ENTREP2: variants seen among roughly 807,000 people sequenced by gnomAD.
ENTREP2 encodes protein ENTREP2.
chr15:29,219,350 G>C, the ENTREP2 span, among the ~76,000 whole-genome samples: 2 of 151,838 alleles, frequency 1.3e-5, no homozygotes, highest in Admixed American at 6.6e-5. Context: ...AGTAAACAGG[G>C]AACACTTCTA....
At chr15:29,463,047 T>A in the ENTREP2 span, among the ~76,000 whole-genome samples, 1 of 150,250 alleles carries the variant, frequency 6.7e-6, no homozygotes, top group Non-Finnish European at 1.5e-5. Context: ...GGCAGGAGAG[T>A]CCAACAGCCT....
chr15:29,520,403 C>T, the ENTREP2 span, among the ~76,000 whole-genome samples: 2 of 151,910 alleles, frequency 1.3e-5, no homozygotes, highest in African/African-American at 4.8e-5. Flanking sequence ...TGTCAGAGAC[C>T]CATTCAACCT....
the ENTREP2 span, among the ~76,000 whole-genome samples, chr15:29,136,032 G>A: frequency 6.6e-6 from 1 of 152,352 alleles, no homozygotes; most frequent in East Asian, 1.9e-4. Context: ...CCTGGGCTGT[G>A]ACTCGTGGCT....
At chr15:29,137,098 G>C in the ENTREP2 span, 6 of 1,465,974 alleles carry the variant, frequency 4.1e-6, no homozygotes, top group Non-Finnish European at 5.4e-6. Context: ...GGCGGGAGTG[G>C]GGGGATGAAC....
chr15:29,129,233 T>A, the ENTREP2 span, among the ~76,000 whole-genome samples: 4 of 151,972 alleles, frequency 2.6e-5, no homozygotes, highest in African/African-American at 9.7e-5. Flanking sequence ...CCAGCTAGTT[T>A]TTTGTATTTT....
the ENTREP2 span, among the ~76,000 whole-genome samples, chr15:29,518,745 T>C: frequency 1.3e-5 from 2 of 152,052 alleles, no homozygotes; most frequent in Non-Finnish European, 2.9e-5. Flanking sequence ...AATCAGAACC[T>C]ACACCCTGGA....
At chr15:29,351,332 C>T in the ENTREP2 span, among the ~76,000 whole-genome samples, 93 of 152,236 alleles carry the variant, frequency 6.1e-4, no homozygotes, top group African/African-American at 2.1e-3. Context: ...GGTCTGTCAT[C>T]GATGGACCAT....
the ENTREP2 span, among the ~76,000 whole-genome samples, chr15:29,147,361 A>G: frequency 6.6e-6 from 1 of 152,114 alleles, no homozygotes; most frequent in Non-Finnish European, 1.5e-5. Context: ...CACCACCACT[A>G]CGATGGTTAT....
At chr15:29,250,324 G>A in the ENTREP2 span, among the ~76,000 whole-genome samples, 3,093 of 152,254 alleles carry the variant, frequency 0.02, 122 homozygotes, top group African/African-American at 0.071. Flanking sequence ...CCAAGGCAGA[G>A]GGACACCTAG....
At chr15:29,479,209 A>C in the ENTREP2 span, among the ~76,000 whole-genome samples, 1 of 38,842 alleles carries the variant, frequency 2.6e-5, no homozygotes. Context: ...TCTGTCTCAA[A>C]AAAAAAAAAA....
chr15:29,390,936 T>C, the ENTREP2 span, among the ~76,000 whole-genome samples: 1 of 152,162 alleles, frequency 6.6e-6, no homozygotes, highest in Admixed American at 6.5e-5. Flanking sequence ...GCATTCACTG[T>C]GTGTGGAAAG....
chr15:29,361,850 C>CTAA, the ENTREP2 span, among the ~76,000 whole-genome samples: 7 of 152,204 alleles, frequency 4.6e-5, no homozygotes, highest in African/African-American at 1.7e-4. Context: ...ACAAAGCCTC[C>CTAA]ATTAGCAGCA....
At chr15:29,542,426 G>A in the ENTREP2 span, among the ~76,000 whole-genome samples, 4 of 151,906 alleles carry the variant, frequency 2.6e-5, no homozygotes, top group African/African-American at 7.3e-5. Context: ...AGCTTCCCGA[G>A]TAGCTGGGAC....
chr15:29,638,855 T>C, the ENTREP2 span, among the ~76,000 whole-genome samples: 1 of 152,248 alleles, frequency 6.6e-6, no homozygotes, highest in Non-Finnish European at 1.5e-5. Flanking sequence ...TCGATTCTCC[T>C]TGTCTGGAGC....
chr15:29,356,181 A>T, the ENTREP2 span, among the ~76,000 whole-genome samples: 4 of 148,156 alleles, frequency 2.7e-5, no homozygotes, highest in Non-Finnish European at 5.9e-5. Context: ...GTAATTTGAT[A>T]AATGTAGGGT....
the ENTREP2 span, among the ~76,000 whole-genome samples, chr15:29,444,467 CTTTTTTTCTTTTTTTTCTTTT>C: frequency 8.6e-6 from 1 of 115,678 alleles, no homozygotes; most frequent in Non-Finnish European, 2.1e-5. Context: ...TCTTTTTTTT[CTTTTTTTCTTTTTTTTCTTTT>C]TTTTTTTCTT....
chr15:29,576,764 G>A, the ENTREP2 span, among the ~76,000 whole-genome samples: 1 of 152,160 alleles, frequency 6.6e-6, no homozygotes, highest in Non-Finnish European at 1.5e-5. Flanking sequence ...AAACCATAAT[G>A]TGATGCCACT....
chr15:29,262,784 A>G, the ENTREP2 span, among the ~76,000 whole-genome samples: 1 of 152,230 alleles, frequency 6.6e-6, no homozygotes, highest in East Asian at 1.9e-4. Context: ...AAAGTTCCAG[A>G]GGCCTGGACT....
chr15:29,544,093 A>G, the ENTREP2 span, among the ~76,000 whole-genome samples: 1 of 152,192 alleles, frequency 6.6e-6, no homozygotes, highest in South Asian at 2.1e-4. Flanking sequence ...ATTGTATTCC[A>G]TACATGTAAA....
Sources: allele counts gnomAD v4.1 joint callset (sites outside exome capture counted in the v4.1 genomes callset), GRCh38; gene constraint gnomAD v4.1.1; transcripts MANE v1.5; gene names NCBI Gene and HGNC (gene_info 2026-07-23, HGNC 2026-07-21).